KIF26B: variants seen among roughly 807,000 people sequenced by gnomAD.
KIF26B encodes kinesin family member 26B.
A neutral mutation model predicts 151.2 loss-of-function variants in KIF26B; 63 were observed. The ratio of observed to expected loss-of-function variants is 0.42; its 90% CI spans 0.34 to 0.51. The LOEUF is 0.51. Among genes scored for constraint, KIF26B ranks in the 20% least tolerant of loss-of-function variants. The pLI is 0.07. For synonymous variants in KIF26B, 1,357 were observed against 1,262.1 expected, an observed-to-expected ratio of 1.08 and a Z score of -1.59; for missense variants, 2,813 against 2,913.6, an observed-to-expected ratio of 0.97 and a Z score of 0.79.
intron 3 of KIF26B, among the ~76,000 whole-genome samples, chr1:245,397,258 C>G (rs1673870640): frequency 6.6e-6 from 1 of 151,438 alleles, no homozygotes; most frequent in Non-Finnish European, 1.5e-5. Flanking sequence ...TCTTATTGCC[C>G]AGGCTGGGGT....
intron 6 of KIF26B, among the ~76,000 whole-genome samples, chr1:245,605,897 C>T: frequency 6.6e-6 from 1 of 152,182 alleles, no homozygotes; most frequent in East Asian, 1.9e-4. Context: ...CCACACACAG[C>T]CAACATTCTC....
At chr1:245,520,644 CCATCCATCCATCCATCCATT>C (rs1661080837) in intron 4 of KIF26B, among the ~76,000 whole-genome samples, 1 of 146,572 alleles carries the variant, frequency 6.8e-6, no homozygotes, top group Non-Finnish European at 1.5e-5. Context: ...ATCCATCCAT[CCATCCATCCATCCATCCATT>C]CTGTAAGTGT....
intron 2 of KIF26B, among the ~76,000 whole-genome samples, chr1:245,247,768 C>T (rs548661913): frequency 6.6e-6 from 1 of 152,274 alleles, no homozygotes; most frequent in East Asian, 1.9e-4. Context: ...GGCCTTGCCC[C>T]AGAACAATTA....
At chr1:245,268,455 C>T (rs546153559) in intron 2 of KIF26B, among the ~76,000 whole-genome samples, 10 of 147,610 alleles carry the variant, frequency 6.8e-5, no homozygotes, top group Admixed American at 6.8e-5. Context: ...GGTGATGGAG[C>T]GAGACTCCAT....
intron 3 of KIF26B, among the ~76,000 whole-genome samples, chr1:245,417,995 G>A (rs1195901484): frequency 6.6e-6 from 1 of 151,942 alleles, no homozygotes; most frequent in African/African-American, 2.4e-5. Context: ...AAAAAAAGTT[G>A]TCGCATGAAT....
chr1:245,647,599 A>G (rs2043966405), intron 10 of KIF26B, among the ~76,000 whole-genome samples: 1 of 152,144 alleles, frequency 6.6e-6, no homozygotes, highest in South Asian at 2.1e-4. Context: ...GATTAACTAA[A>G]TATATGTGGA....
intron 2 of KIF26B, among the ~76,000 whole-genome samples, chr1:245,311,076 G>T (rs1472757498): frequency 6.6e-6 from 1 of 152,132 alleles, no homozygotes; most frequent in Non-Finnish European, 1.5e-5. Context: ...GCTGAAGAAG[G>T]AGAAAGGAAA....
chr1:245,365,832 G>A (rs567955949), intron 2 of KIF26B, among the ~76,000 whole-genome samples: 85 of 152,278 alleles, frequency 5.6e-4, no homozygotes, highest in Non-Finnish European at 1.0e-3. Flanking sequence ...GAGGTTCAGT[G>A]AGTTGTCTGA....
At chr1:245,541,112 T>C (rs1367217597) in intron 5 of KIF26B, among the ~76,000 whole-genome samples, 162 bp downstream of exon 5, 1 of 152,232 alleles carries the variant, frequency 6.6e-6, no homozygotes, top group African/African-American at 2.4e-5. Context: ...ATTGTCATGG[T>C]TGCATACACT....
chr1:245,684,226 T>A lies in KIF26B; in HGVS notation c.2259-7T>A. The A allele has an allele frequency of 6.2e-7, 1 of 1,610,940 alleles. No individual in the cohort carries two copies. The highest frequency in any genetic ancestry group is 8.5e-7 in the Non-Finnish European group (1 of 1,177,458). Reference sequence around the variant, plus strand: ...GCTAATGCAGCCTAATTCACTTTGTTTGGCAGAGAGAGCAAGCTCGCCATG... The same window carrying A: ...GCTAATGCAGCCTAATTCACTTTGTATGGCAGAGAGAGCAAGCTCGCCATG... On this transcript the variant is annotated splice_region_variant and splice_polypyrimidine_tract_variant and intron_variant, in intron 10 of 14. Transcript: ENST00000407071.
Position 245,667,952 on chromosome 1 carries a change from G to A in KIF26B, c.2259-16281G>A, listed in dbSNP as rs113282599. Among the ~76,000 whole-genome samples the A allele has an allele frequency of 2.6e-4, 40 of 152,288 alleles. No homozygotes were observed. Among genetic ancestry groups the A allele is most frequent in the African/African-American group, 9.1e-4 (38 of 41,576 alleles). ...GTCACCCAGGCTGGAGTGCAGTGCA[G>A]TGGCGCAATCTCAGCTCACTGCAAC... On this transcript the variant is annotated intron_variant, in intron 10 of 14. Transcript: ENST00000407071. The surrounding 1 kb of genome is among the most constrained non-coding windows in gnomAD (Gnocchi z 4.3).
chr1:245,544,150 G>T (rs1488252203), intron 5 of KIF26B, among the ~76,000 whole-genome samples: 1 of 152,104 alleles, frequency 6.6e-6, no homozygotes, highest in African/African-American at 2.4e-5. Context: ...ATTAGGAACA[G>T]CAGTTCTTTA....
intron 5 of KIF26B, among the ~76,000 whole-genome samples, chr1:245,575,041 A>G (rs2043104562): frequency 6.7e-6 from 1 of 150,124 alleles, no homozygotes; most frequent in Non-Finnish European, 1.5e-5. Flanking sequence ...ATTTTTTTGT[A>G]TTTTTAGTAG....
At chr1:245,494,571 G>T (rs918836969) in intron 4 of KIF26B, among the ~76,000 whole-genome samples, 3 of 151,840 alleles carry the variant, frequency 2.0e-5, no homozygotes, top group Admixed American at 6.6e-5. Flanking sequence ...TTGTTTCAAT[G>T]AAAAATGATC....
chr1:245,520,581 CAT>C (rs1458151825), intron 4 of KIF26B, among the ~76,000 whole-genome samples: 1 of 76,598 alleles, frequency 1.3e-5, no homozygotes, highest in African/African-American at 3.5e-5. Context: ...TCCATCCATC[CAT>C]CCATCCATCC....
At chr1:245,437,339 C>G (rs1328430450) in intron 4 of KIF26B, among the ~76,000 whole-genome samples, 1 of 152,144 alleles carries the variant, frequency 6.6e-6, no homozygotes, top group Non-Finnish European at 1.5e-5. Flanking sequence ...ATGTAATCCC[C>G]GTGTCTTTTG....
At chr1:245,198,101 C>T (rs998756209) in intron 2 of KIF26B, among the ~76,000 whole-genome samples, 3 of 152,146 alleles carry the variant, frequency 2.0e-5, no homozygotes, top group East Asian at 1.9e-4. Flanking sequence ...AGCAGATACT[C>T]GTTGAGGGCT....
At position 245,559,879 on chromosome 1, in the gene KIF26B, A is replaced by AT. The variant is rs138256953; in HGVS notation, c.1350+18943dup. ...TTTTTTGTTTTGCTCCTGTAGGTCT[A>AT]TTTTTTTTTTTTTTCCAATCAGTAT... is the stretch of plus-strand genomic sequence containing the variant. On this transcript the variant is annotated intron_variant, in intron 5 of 14. Transcript: ENST00000407071. Among the ~76,000 whole-genome samples the AT allele has an allele frequency of 6.7e-3, 942 of 140,936 alleles. 7 individuals are homozygous for AT. Among genetic ancestry groups the AT allele is most frequent in the African/African-American group, 0.019 (712 of 38,462 alleles). 92.5% of individuals were successfully genotyped at this position (140,936 alleles called of 152,430 possible).
chr1:245,674,903 T>G (rs1411396723), intron 10 of KIF26B, among the ~76,000 whole-genome samples: 2 of 152,086 alleles, frequency 1.3e-5, no homozygotes, highest in African/African-American at 4.8e-5. Context: ...CTGCAAGCAA[T>G]TAGGGTCCAA....
Sources: allele counts gnomAD v4.1 joint callset (sites outside exome capture counted in the v4.1 genomes callset), GRCh38; gene constraint gnomAD v4.1.1; non-coding constraint Gnocchi (gnomAD v3.1); transcripts MANE v1.5; gene names NCBI Gene and HGNC (gene_info 2026-07-23, HGNC 2026-07-21).